Variants in HS6ST1 observed in about 807,000 individuals in gnomAD.
HS6ST1 encodes the protein heparan-sulfate 6-O-sulfotransferase 1.
HS6ST1 carries 3 observed loss-of-function variants against 25.2 expected under a neutral mutation model. The observed-to-expected ratio is 0.12, with a 90% confidence interval of 0.05 to 0.31. The LOEUF is 0.31. Among genes scored for constraint, HS6ST1 ranks in the 10% least tolerant of loss-of-function variants. The pLI, the probability that HS6ST1 is intolerant of heterozygous loss-of-function variation, is 1.00. For missense variants in HS6ST1, 310 were observed against 609.6 expected (o/e 0.51, Z 5.18); for synonymous variants, 204 against 275.1 (o/e 0.74, Z 2.56).
chr2:128,299,913 C>T (rs1047211757), intron 1 of HS6ST1, among the ~76,000 whole-genome samples: 11 of 152,166 alleles, frequency 7.2e-5, no homozygotes, highest in African/African-American at 1.4e-4. Context: ...CAAACACCAG[C>T]GCCAGCAAGG....
At chr2:128,301,934 G>C (rs937515754) in intron 1 of HS6ST1, among the ~76,000 whole-genome samples, 2 of 152,204 alleles carry the variant, frequency 1.3e-5, no homozygotes, top group Non-Finnish European at 2.9e-5. Flanking sequence ...GAACAGCTCA[G>C]AGGCTCCAGC....
At chr2:128,292,568 C>T (rs1693973201) in intron 1 of HS6ST1, among the ~76,000 whole-genome samples, 1 of 152,088 alleles carries the variant, frequency 6.6e-6, no homozygotes, top group Non-Finnish European at 1.5e-5. Context: ...CCACCCCTGC[C>T]TCAGGGAGGG....
intron 1 of HS6ST1, among the ~76,000 whole-genome samples, chr2:128,308,775 C>T (rs1694247877): frequency 6.6e-6 from 1 of 152,208 alleles, no homozygotes; most frequent in South Asian, 2.1e-4. Flanking sequence ...TTGGTGATGT[C>T]CCAGATAACA....
intron 1 of HS6ST1, among the ~76,000 whole-genome samples, chr2:128,272,578 CCTCT>C (rs1157899858): frequency 6.6e-6 from 1 of 152,160 alleles, no homozygotes; most frequent in Non-Finnish European, 1.5e-5. Context: ...GGAACAAAGG[CCTCT>C]CTGCCTGCGC....
intron 1 of HS6ST1, among the ~76,000 whole-genome samples, chr2:128,284,846 C>T (rs2104920176): frequency 6.6e-6 from 1 of 152,284 alleles, no homozygotes; most frequent in East Asian, 1.9e-4. Flanking sequence ...TTTCCCAGGG[C>T]CAGAGCCAGA....
chr2:128,281,968 G>A (rs1224761631), intron 1 of HS6ST1, among the ~76,000 whole-genome samples: 1 of 152,240 alleles, frequency 6.6e-6, no homozygotes, highest in African/African-American at 2.4e-5. Context: ...TGGGATTGGA[G>A]CCCATGTCCA....
intron 1 of HS6ST1, among the ~76,000 whole-genome samples, chr2:128,307,428 G>A (rs1694229964): frequency 6.6e-6 from 1 of 152,200 alleles, no homozygotes; most frequent in African/African-American, 2.4e-5. Flanking sequence ...GATGTACCTG[G>A]GCCAGCCTGG....
At chr2:128,271,902 A>C (rs919885399) in intron 1 of HS6ST1, among the ~76,000 whole-genome samples, 1 of 152,210 alleles carries the variant, frequency 6.6e-6, no homozygotes, top group African/African-American at 2.4e-5. Context: ...ACATAACTGC[A>C]AATGCCAGGT....
At chr2:128,308,598 G>A (rs1251191703) in intron 1 of HS6ST1, among the ~76,000 whole-genome samples, 1 of 152,220 alleles carries the variant, frequency 6.6e-6, no homozygotes, top group Non-Finnish European at 1.5e-5. Context: ...TGGCCAGAGA[G>A]GGCCAGAGCT....
At chr2:128,284,122 G>C (rs1573695931) in intron 1 of HS6ST1, among the ~76,000 whole-genome samples, 1 of 151,918 alleles carries the variant, frequency 6.6e-6, no homozygotes. Flanking sequence ...GTTCCCGGGG[G>C]CTTTCCTGCA....
chr2:128,316,201 G>A (rs2104940227), intron 1 of HS6ST1, among the ~76,000 whole-genome samples: 1 of 152,360 alleles, frequency 6.6e-6, no homozygotes, highest in East Asian at 1.9e-4. Context: ...CTTCACCCTG[G>A]GGACCCACAG....
At chr2:128,280,600 C>T (rs976666987) in intron 1 of HS6ST1, among the ~76,000 whole-genome samples, 5 of 152,220 alleles carry the variant, frequency 3.3e-5, no homozygotes, top group East Asian at 1.9e-4. Context: ...TCTGAGCTGG[C>T]GGCAGCAGGC....
At chr2:128,277,065 G>A (rs1004207802) in intron 1 of HS6ST1, among the ~76,000 whole-genome samples, 22 of 152,154 alleles carry the variant, frequency 1.4e-4, no homozygotes, top group African/African-American at 5.3e-4. Flanking sequence ...GGAACCACAG[G>A]TCCTGCCCGG....
At chr2:128,291,846 C>T (rs963430657) in intron 1 of HS6ST1, among the ~76,000 whole-genome samples, 1 of 152,234 alleles carries the variant, frequency 6.6e-6, no homozygotes, top group Non-Finnish European at 1.5e-5. Context: ...TCCACAGGCT[C>T]TTCCCCAAGG....
rs1407936072 is a variant in HS6ST1 at position 128,267,691 on chromosome 2, G to C, written c.*471C>G. The C allele has an allele frequency of 2.1e-5, 4 of 186,412 alleles. No individual in the cohort carries two copies. The highest frequency in any genetic ancestry group is 7.1e-5 in the African/African-American group (3 of 42,374). The allele number at this position is 186,412 out of a possible 1,614,324, so 11.5% of individuals were successfully genotyped here. A position where few individuals can be genotyped will look rare whatever the true frequency, so the allele number is the denominator to read the frequency against. On this transcript the variant is annotated 3_prime_UTR_variant, in exon 2 of 2. Coordinates refer to ENST00000259241, the MANE Select transcript of HS6ST1 (RefSeq NM_004807.3). ...GGCAGCCAGAAGAGGAGGGGCTATG[G>C]GATGGCCTGGAGCTGGGGCAGTTGC...
chr2:128,296,393 T>C (rs1428919471), intron 1 of HS6ST1, among the ~76,000 whole-genome samples: 2 of 152,206 alleles, frequency 1.3e-5, no homozygotes, highest in Non-Finnish European at 2.9e-5. Context: ...GTAAAAGGTA[T>C]TCAGATTGGA....
At chr2:128,306,886 A>C (rs1694220292) in intron 1 of HS6ST1, among the ~76,000 whole-genome samples, 1 of 152,130 alleles carries the variant, frequency 6.6e-6, no homozygotes, top group South Asian at 2.1e-4. Context: ...ACCAGGCTGG[A>C]GGCACAGACA....
chr2:128,304,540 G>A (rs1403199126), intron 1 of HS6ST1, among the ~76,000 whole-genome samples: 1 of 61,586 alleles, frequency 1.6e-5, no homozygotes, highest in Non-Finnish European at 3.0e-5. Context: ...CCTTGCTAAT[G>A]GACAGCTGCA....
chr2:128,291,290 G>C (rs1573699841), intron 1 of HS6ST1, among the ~76,000 whole-genome samples: 1 of 152,388 alleles, frequency 6.6e-6, no homozygotes, highest in African/African-American at 2.4e-5. Context: ...GTCCCGGCAT[G>C]GGGGAGGGCT....
Sources: gnomAD v4.1 joint callset for allele counts (sites outside exome capture counted in the v4.1 genomes callset) on GRCh38, gnomAD v4.1.1 for gene constraint, MANE v1.5 for transcripts, NCBI Gene and HGNC (gene_info 2026-07-23, HGNC 2026-07-21) for gene names.